Variants in ZNF638 observed in about 807,000 individuals in gnomAD.
The protein encoded by ZNF638 is CTCL tumor antigen se33-1.
Under a neutral mutation model 195.6 loss-of-function variants are expected in ZNF638, and 46 were observed. The ratio of observed to expected loss-of-function variants is 0.24; its 90% confidence interval spans 0.19 to 0.30. The LOEUF (loss-of-function observed/expected upper bound fraction) is 0.30. Among genes scored for constraint, ZNF638 ranks in the 10% least tolerant of loss-of-function variants. The pLI, the probability that ZNF638 is intolerant of heterozygous loss-of-function variation, is 1.00. For synonymous variants in ZNF638, 845 were observed against 772.0 expected (o/e 1.09, Z -1.57); for missense variants, 2,440 against 2,325.3 (o/e 1.05, Z -1.01).
chr2:71,411,474 ATT>A (rs537942317), intron 20 of ZNF638, among the ~76,000 whole-genome samples: 6 of 122,770 alleles, frequency 4.9e-5, no homozygotes, highest in African/African-American at 1.5e-4. Context: ...TTTATTTTTA[ATT>A]TTTTTTTTTT....
chr2:71,398,658 C>A (rs755419615), intron 11 of ZNF638, 43 bp from the exon 12 acceptor site: 3 of 1,457,320 alleles, frequency 2.1e-6, no homozygotes, highest in Non-Finnish European at 2.9e-6. Context: ...ATTGTTGATA[C>A]TAGTTAAGTA....
At chr2:71,335,380 G>C (rs770835399) in intron 1 of ZNF638, among the ~76,000 whole-genome samples, 3 of 151,970 alleles carry the variant, frequency 2.0e-5, no homozygotes, top group Non-Finnish European at 4.4e-5. Flanking sequence ...ATATATTTTG[G>C]ATTATTTTTT....
At chr2:71,346,762 C>T (rs181264044) in intron 1 of ZNF638, among the ~76,000 whole-genome samples, 91 of 152,224 alleles carry the variant, frequency 6.0e-4, no homozygotes, top group African/African-American at 2.1e-3. Flanking sequence ...CGACGTGGCT[C>T]ATACCCCAGC....
intron 6 of ZNF638, 65 bp from the exon 7 acceptor site, chr2:71,368,317 A>G (rs1192120949): frequency 2.6e-5 from 38 of 1,448,612 alleles, no homozygotes; most frequent in Non-Finnish European, 9.3e-7. Flanking sequence ...ATTATATAGG[A>G]AATTATTACT....
chr2:71,339,168 T>TAA (rs34738448), intron 1 of ZNF638, among the ~76,000 whole-genome samples: 1 of 124,516 alleles, frequency 8.0e-6, no homozygotes, highest in South Asian at 2.6e-4. Context: ...TTTTTTTTTT[T>TAA]ATTGAGACGG....
At chr2:71,395,648 C>T in intron 10 of ZNF638, 5 of 506,082 alleles carry the variant, frequency 9.9e-6, no homozygotes, top group South Asian at 7.8e-5. Context: ...AGGCCTTTGT[C>T]ATTAAATCTG....
chr2:71,388,944 G>A (rs986027586), intron 10 of ZNF638, among the ~76,000 whole-genome samples: 3 of 152,102 alleles, frequency 2.0e-5, no homozygotes, highest in African/African-American at 7.2e-5. Flanking sequence ...AGGCATGCTG[G>A]ACCTAGAGCT....
chr2:71,340,923 G>A (rs1195949339), intron 1 of ZNF638, among the ~76,000 whole-genome samples: 1 of 152,200 alleles, frequency 6.6e-6, no homozygotes. Flanking sequence ...TTAAAGTAGT[G>A]TAAGTCCAAA....
intron 19 of ZNF638, 37 bp from the exon 20 acceptor site, chr2:71,408,085 T>A (rs1045572716): frequency 5.7e-6 from 9 of 1,582,802 alleles, no homozygotes; most frequent in East Asian, 4.5e-5. Context: ...CCAATTTTTT[T>A]AAAGAACTAT....
intron 1 of ZNF638, 40 bp downstream of exon 1, chr2:71,331,915 C>A: frequency 1.0e-6 from 1 of 986,060 alleles, no homozygotes; most frequent in South Asian, 4.7e-5. Context: ...GGTTGGAAGG[C>A]GGAGGCCGGT....
chr2:71,397,837 A>G (rs1470208832), intron 11 of ZNF638, among the ~76,000 whole-genome samples: 1 of 152,220 alleles, frequency 6.6e-6, no homozygotes, highest in Non-Finnish European at 1.5e-5. Context: ...GGCCATAGTA[A>G]TAGATAATGT....
chr2:71,431,469 T>G (rs781610328), intron 26 of ZNF638, 41 bp downstream of exon 26: 3 of 1,594,784 alleles, frequency 1.9e-6, no homozygotes, highest in South Asian at 2.2e-5. Context: ...CATATGAAAT[T>G]TAAAAGTCGG....
intron 10 of ZNF638, chr2:71,388,814 G>C (rs1343777653): frequency 6.6e-6 from 5 of 755,234 alleles, no homozygotes; most frequent in Non-Finnish European, 1.2e-5. Flanking sequence ...CCGCACAACA[G>C]AAACAGTATA....
chr2:71,427,345 C>A lies in ZNF638; in HGVS notation c.5476C>A (p.Gln1826Lys). The A allele has an allele frequency of 6.2e-7, 1 of 1,602,160 alleles. No individual in the cohort carries two copies. The highest frequency in any genetic ancestry group is 1.1e-5 in the South Asian group (1 of 88,462). The change falls in exon 24 of 28, where the codon CAA becomes AAA. Residue 1826 changes from glutamine to lysine, a missense_variant. Physicochemically the swap from Gln to Lys is moderately conservative, Grantham distance 53 (BLOSUM62 1). This residue lies in a region of ZNF638 where 1,883 missense variants were observed against 1,739.1 expected (regional missense o/e 1.08). Transcript: ENST00000264447. ...TKKTKLESLS[Q>K]VGPVNENVME... ...AAAGACAAAACTTGAATCCTTGTCCCAAGTGGGTCCAGTAAATGAGAATGT... is the reference window on the plus strand; with the variant it reads ...AAAGACAAAACTTGAATCCTTGTCCAAAGTGGGTCCAGTAAATGAGAATGT...
intron 2 of ZNF638, among the ~76,000 whole-genome samples, chr2:71,353,135 A>G (rs974798932): frequency 3.9e-5 from 6 of 152,230 alleles, no homozygotes; most frequent in Non-Finnish European, 7.3e-5. Context: ...AATGTAAATT[A>G]CCAATTGTAA....
Position 71,383,762 on chromosome 2 carries a change from C to CTTTTTTTTTTTTTTTTTTTTTTTT in ZNF638, c.2377+3216_2377+3217insTTTTTTTTTTTTTTTTTTTTTTTT, listed in dbSNP as rs1181570876. 4.4e-4 allele frequency among the ~76,000 whole-genome samples: 34 copies of CTTTTTTTTTTTTTTTTTTTTTTTT among 76,724 alleles called. 1 individual carries two copies. The highest frequency in any genetic ancestry group is 6.7e-4 in the African/African-American group (13 of 19,342). 50.3% of individuals were successfully genotyped at this position (76,724 alleles called of 152,430 possible). A position where few individuals can be genotyped will look rare whatever the true frequency, so the allele number is the denominator to read the frequency against. ...AATTTTTCTTTTTTTTTTTCTTTTT[C>CTTTTTTTTTTTTTTTTTTTTTTTT]TTTTTTTTTTTTTTTTTTTAGTAGA... On this transcript the variant is annotated intron_variant, in intron 10 of 27. Transcript: ENST00000264447.
chr2:71,394,573 T>G (rs2079853948), intron 10 of ZNF638, among the ~76,000 whole-genome samples: 1 of 152,132 alleles, frequency 6.6e-6, no homozygotes, highest in Admixed American at 6.5e-5. Context: ...ATTACTAGTA[T>G]TATGGTATTA....
chr2:71,395,791 G>GCAGA (rs2079881118), intron 10 of ZNF638: 3 of 408,554 alleles, frequency 7.3e-6, no homozygotes, highest in South Asian at 2.4e-5. Flanking sequence ...CCGTCGCTCA[G>GCAGA]CCTGAGTCTG....
chr2:71,399,613 A>C lies in ZNF638; in HGVS notation c.2555A>C (p.Asn852Thr). Residue 852 changes from asparagine to threonine, a missense_variant, in exon 13 of 28, where the codon AAC becomes ACC. This residue lies in a region of ZNF638 where 1,883 missense variants were observed against 1,739.1 expected (regional missense o/e 1.08). Transcript: ENST00000264447. ...LEAKKTGNVK[N>T]KDSNKPVTIP... is the part of the protein sequence containing the mutation. ...GCCAAAAAGACTGGGAATGTCAAAAACAAAGACTCTAACAAACCTGTGACT... is the reference window on the plus strand; with the variant it reads ...GCCAAAAAGACTGGGAATGTCAAAACCAAAGACTCTAACAAACCTGTGACT... 1 of 1,612,950 alleles carries C rather than the reference A, an allele frequency of 6.2e-7. No individual in the cohort carries two copies. Among genetic ancestry groups the C allele is most frequent in the Non-Finnish European group, 8.5e-7 (1 of 1,179,340 alleles).
Sources: allele counts gnomAD v4.1 joint callset (sites outside exome capture counted in the v4.1 genomes callset), GRCh38; gene constraint gnomAD v4.1.1; regional missense constraint gnomAD v4.1.1; transcripts MANE v1.5; gene names NCBI Gene and HGNC (gene_info 2026-07-23, HGNC 2026-07-21).